ZBTB44: variants seen among roughly 807,000 people sequenced by gnomAD.
The protein encoded by ZBTB44 is zinc finger and BTB domain-containing protein 44.
A neutral mutation model predicts 54.0 loss-of-function variants in ZBTB44; 15 were observed. The observed-to-expected ratio is 0.28, with a 90% CI of 0.19 to 0.43. The LOEUF is 0.43. Ranked by LOEUF, ZBTB44 falls within the 20% of genes least tolerant of loss-of-function variation. The probability of loss-of-function intolerance (pLI) is 1.00; values close to 1 mark genes in which losing one functional copy is unlikely to be tolerated. For missense variants in ZBTB44, 487 were observed against 707.1 expected, an observed-to-expected ratio of 0.69 and a Z score of 3.53; for synonymous variants, 230 against 250.1, an observed-to-expected ratio of 0.92 and a Z score of 0.76.
chr11:130,253,520 AAGGAACTCTTCAAGGAGAACTAT>A (rs1316049749), intron 2 of ZBTB44, among the ~76,000 whole-genome samples: 4 of 152,212 alleles, frequency 2.6e-5, no homozygotes, highest in African/African-American at 9.6e-5. Context: ...AAGGGACATG[AAGGAACTCTTCAAGGAGAACTAT>A]AAACCACTGC....
At chr11:130,246,509 A>C (rs1954655801) in intron 2 of ZBTB44, among the ~76,000 whole-genome samples, 2 of 152,256 alleles carry the variant, frequency 1.3e-5, no homozygotes, top group South Asian at 4.2e-4. Context: ...CTAGCTTATC[A>C]AGACAGAGTC....
intron 1 of ZBTB44, among the ~76,000 whole-genome samples, chr11:130,301,874 C>A (rs1306134290): frequency 3.3e-5 from 5 of 151,736 alleles, no homozygotes; most frequent in Non-Finnish European, 7.4e-5. Flanking sequence ...CATGGCAAAA[C>A]CCCATCTCTA....
chr11:130,254,705 C>T (rs1331259842), intron 2 of ZBTB44, among the ~76,000 whole-genome samples: 1 of 152,140 alleles, frequency 6.6e-6, no homozygotes, highest in Non-Finnish European at 1.5e-5. Flanking sequence ...TACCATTTGA[C>T]CCAGCCATCC....
At chr11:130,289,282 A>C (rs1941158969) in intron 1 of ZBTB44, among the ~76,000 whole-genome samples, 1 of 152,140 alleles carries the variant, frequency 6.6e-6, no homozygotes, top group Non-Finnish European at 1.5e-5. Flanking sequence ...CAGGAGTTCA[A>C]GACTAGCCTG....
chr11:130,303,680 C>T (rs1942106915), intron 1 of ZBTB44, among the ~76,000 whole-genome samples: 1 of 151,730 alleles, frequency 6.6e-6, no homozygotes, highest in African/African-American at 2.4e-5. Flanking sequence ...AAACACCCCC[C>T]AAAAAATATC....
chr11:130,255,397 C>T (rs905550018), intron 2 of ZBTB44, among the ~76,000 whole-genome samples: 4 of 152,072 alleles, frequency 2.6e-5, no homozygotes, highest in South Asian at 4.1e-4. Flanking sequence ...CCGGGACATG[C>T]TAAAGCACAG....
At chr11:130,236,127 G>A in intron 5 of ZBTB44, 2 of 1,286,332 alleles carry the variant, frequency 1.6e-6, no homozygotes, top group Non-Finnish European at 2.0e-6. Context: ...CTTTCTCTAA[G>A]TTTCAAGCTT....
chr11:130,280,007 T>C (rs1018378960), intron 1 of ZBTB44, among the ~76,000 whole-genome samples: 2 of 152,168 alleles, frequency 1.3e-5, no homozygotes, highest in African/African-American at 4.8e-5. Flanking sequence ...AGCTGAGTAC[T>C]TGGCAGAAAG....
At chr11:130,251,680 C>A (rs1324976461) in intron 2 of ZBTB44, among the ~76,000 whole-genome samples, 1 of 152,122 alleles carries the variant, frequency 6.6e-6, no homozygotes, top group Non-Finnish European at 1.5e-5. Flanking sequence ...AACTACGTTT[C>A]ATAAGTGAGA....
chr11:130,232,582 C>T (rs1183591499), intron 7 of ZBTB44: 2 of 152,132 alleles, frequency 1.3e-5, no homozygotes, highest in Non-Finnish European at 2.9e-5. Context: ...ATCTTACAGT[C>T]TATACTCTTC....
chr11:130,267,859 G>A (rs1027584779), intron 1 of ZBTB44, among the ~76,000 whole-genome samples: 3 of 148,510 alleles, frequency 2.0e-5, no homozygotes, highest in Non-Finnish European at 4.5e-5. Context: ...ATCCCCTGAG[G>A]TCAGGAGTTC....
chr11:130,282,723 G>A (rs901953542), intron 1 of ZBTB44, among the ~76,000 whole-genome samples: 3 of 152,160 alleles, frequency 2.0e-5, no homozygotes, highest in African/African-American at 7.2e-5. Flanking sequence ...GAGTAAGAGT[G>A]GCTACCACCT....
intron 2 of ZBTB44, among the ~76,000 whole-genome samples, chr11:130,250,950 C>T (rs1459124753): frequency 3.2e-4 from 48 of 152,304 alleles, no homozygotes; most frequent in East Asian, 3.9e-4. Context: ...TTTGACAAAT[C>T]GACAGAAGTA....
At chr11:130,308,247 C>A (rs895751455) in intron 1 of ZBTB44, among the ~76,000 whole-genome samples, 1 of 152,196 alleles carries the variant, frequency 6.6e-6, no homozygotes, top group African/African-American at 2.4e-5. Context: ...TACAATGACA[C>A]AATCGCCTAA....
chr11:130,254,920 T>C (rs1382722627), intron 2 of ZBTB44, among the ~76,000 whole-genome samples: 3 of 152,238 alleles, frequency 2.0e-5, no homozygotes, highest in South Asian at 4.1e-4. Flanking sequence ...TCATGTCCTT[T>C]GCAGGGACAT....
intron 1 of ZBTB44, among the ~76,000 whole-genome samples, chr11:130,265,917 C>G (rs938773933): frequency 1.1e-4 from 16 of 152,168 alleles, no homozygotes; most frequent in Admixed American, 5.9e-4. Flanking sequence ...GTGCTGATGT[C>G]GAAGCTGCAA....
chr11:130,309,641 G>A (rs1273762591), intron 1 of ZBTB44, among the ~76,000 whole-genome samples: 2 of 151,830 alleles, frequency 1.3e-5, no homozygotes, highest in African/African-American at 4.8e-5. Context: ...TAGGAGGCCA[G>A]GATTACACTT....
rs531939848 is a variant in ZBTB44, at chr11:130,230,270, G to C, written c.*1494C>G. On this transcript the variant is annotated 3_prime_UTR_variant, in exon 8 of 8. Transcript: ENST00000357899. ...GAAAGATTTAATACAGCTTCCAAAG[G>C]CTCCCAAGAGAACCATTTATAAACT... 4.2e-4 allele frequency: 64 copies of C among 151,982 alleles called. No individual in the cohort carries two copies. The highest frequency in any genetic ancestry group is 1.5e-3 in the African/African-American group (62 of 41,522). 9.4% of individuals were successfully genotyped at this position (151,982 alleles called of 1,614,324 possible). A position where few individuals can be genotyped will look rare whatever the true frequency, so the allele number is the denominator to read the frequency against.
chr11:130,281,520 TAAATAAATAAA>T (rs1940505062), intron 1 of ZBTB44, among the ~76,000 whole-genome samples: 3 of 108,812 alleles, frequency 2.8e-5, no homozygotes, highest in African/African-American at 1.2e-4. Flanking sequence ...TGTCTCAAAA[TAAATAAATAAA>T]TAAATAAATA....
Sources: allele counts gnomAD v4.1 joint callset (sites outside exome capture counted in the v4.1 genomes callset), GRCh38; gene constraint gnomAD v4.1.1; transcripts MANE v1.5; gene names NCBI Gene and HGNC (gene_info 2026-07-23, HGNC 2026-07-21).